TENM2: variants seen among roughly 807,000 people sequenced by gnomAD.
TENM2 encodes the protein teneurin transmembrane protein 2, also known as teneurin-2.
Under a neutral mutation model 245.2 loss-of-function variants are expected in TENM2, and 52 were observed. The ratio of observed to expected loss-of-function variants is 0.21; its 90% CI spans 0.17 to 0.27. The LOEUF is 0.27. TENM2 is among the 10% of genes least tolerant of loss of function. The pLI, the probability that TENM2 is intolerant of heterozygous loss-of-function variation, is 1.00. For synonymous variants in TENM2, 1,363 were observed against 1,438.9 expected (o/e 0.95, Z 1.19); for missense variants, 3,046 against 3,666.8 (o/e 0.83, Z 4.37).
the TENM2 span, among the ~76,000 whole-genome samples, chr5:167,209,175 G>A: frequency 3.9e-5 from 6 of 152,088 alleles, no homozygotes; most frequent in South Asian, 2.1e-4. Context: ...ACTTCATATC[G>A]CTACTGTGAG....
At chr5:167,322,938 A>G (rs1434675357) in intron 1 of TENM2, among the ~76,000 whole-genome samples, 1 of 152,226 alleles carries the variant, frequency 6.6e-6, no homozygotes, top group Non-Finnish European at 1.5e-5. Flanking sequence ...TCCTTTAGCA[A>G]TTATAATTCA....
At chr5:167,370,377 G>GGA (rs1760341376) in intron 1 of TENM2, among the ~76,000 whole-genome samples, 1 of 148,770 alleles carries the variant, frequency 6.7e-6, no homozygotes, top group South Asian at 2.1e-4. Context: ...AAAAAGACGT[G>GGA]GAGAGGATCT....
In TENM2 at chr5:168,249,316, C is replaced by T. The variant is rs926840213; in HGVS notation, c.7432+945C>T. On this transcript the variant is annotated intron_variant, in intron 27 of 28. Transcript: ENST00000518659. ...GTGAGAGACATATTCAAATAACCAACGATAATGCAAAGTAGAATTAAGTCT... is the reference window on the plus strand; with the variant it reads ...GTGAGAGACATATTCAAATAACCAATGATAATGCAAAGTAGAATTAAGTCT... 1.1e-4 allele frequency among the ~76,000 whole-genome samples: 16 copies of T among 152,090 alleles called. No homozygotes were observed. The East Asian group carries it at 1.2e-3, about 11-fold the overall frequency.
At chr5:167,118,133 A>G in the TENM2 span, among the ~76,000 whole-genome samples, 1 of 152,202 alleles carries the variant, frequency 6.6e-6, no homozygotes, top group East Asian at 1.9e-4. Context: ...ATAGTTATTC[A>G]TAGTATTCTT....
chr5:168,262,648 G>C (rs754622638), exon 29 of TENM2: 2 of 1,602,500 alleles, frequency 1.2e-6, no homozygotes, highest in Non-Finnish European at 8.5e-7. Context: ...GGAGAGAGGG[G>C]AGCCGCCTGT....
At position 168,155,463 on chromosome 5, in the gene TENM2, G is replaced by GGCCCCCATGTA. The variant is rs1415111054; in HGVS notation, c.2423-7146_2423-7136dup. Among the ~76,000 whole-genome samples the GGCCCCCATGTA allele has an allele frequency of 9.2e-5, 14 of 152,072 alleles. No individual in the cohort carries two copies. The East Asian group carries it at 2.7e-3, about 29-fold the overall frequency. On this transcript the variant is annotated intron_variant, in intron 12 of 28. Coordinates refer to ENST00000518659, the Ensembl canonical transcript of TENM2. Reference sequence around the variant, plus strand: ...AAGCACAATTCTTCCCAAGAGAAAGGGCCCCCATGTAGTCTACCTTCGTGT... The same window carrying GGCCCCCATGTA: ...AAGCACAATTCTTCCCAAGAGAAAGGGCCCCCATGTAGCCCCCATGTAGTCTACCTTCGTGT...
chr5:167,694,007 A>C (rs1757601405), intron 2 of TENM2, among the ~76,000 whole-genome samples: 1 of 152,226 alleles, frequency 6.6e-6, no homozygotes, highest in African/African-American at 2.4e-5. Flanking sequence ...GATTGAATGC[A>C]CTTTTCACAA....
At chr5:167,352,536 A>G (rs1362163663) in intron 1 of TENM2, among the ~76,000 whole-genome samples, 7 of 152,192 alleles carry the variant, frequency 4.6e-5, no homozygotes, top group Non-Finnish European at 7.3e-5. Flanking sequence ...TAAATTTACA[A>G]TAATTGTTCT....
chr5:167,620,719 A>G (rs146732067), intron 2 of TENM2, among the ~76,000 whole-genome samples: 110 of 152,144 alleles, frequency 7.2e-4, no homozygotes, highest in African/African-American at 2.4e-3. Flanking sequence ...AATGCTCCAG[A>G]GAAGCAATCT....
At chr5:167,709,234 G>A (rs991663874) in intron 2 of TENM2, among the ~76,000 whole-genome samples, 15 of 152,166 alleles carry the variant, frequency 9.9e-5, no homozygotes, top group Admixed American at 4.6e-4. Flanking sequence ...AGTTCACTGC[G>A]TGGTCTTCTC....
intron 2 of TENM2, among the ~76,000 whole-genome samples, chr5:167,544,971 T>C (rs1772458320): frequency 6.6e-6 from 1 of 152,160 alleles, no homozygotes; most frequent in South Asian, 2.1e-4. Context: ...AAATACATAG[T>C]TCACTGTCCC....
At chr5:167,779,189 T>C (rs1431744004) in intron 2 of TENM2, among the ~76,000 whole-genome samples, 1 of 152,166 alleles carries the variant, frequency 6.6e-6, no homozygotes, top group Admixed American at 6.5e-5. Flanking sequence ...TGGAGGGTGT[T>C]TTGTGCTGCA....
At chr5:168,080,081 G>A (rs1443339614) in intron 7 of TENM2, among the ~76,000 whole-genome samples, 6 of 152,164 alleles carry the variant, frequency 3.9e-5, no homozygotes, top group Non-Finnish European at 5.9e-5. Context: ...TGGTTGGTAA[G>A]CTATTAATTA....
At chr5:167,052,715 A>G in the TENM2 span, among the ~76,000 whole-genome samples, 1 of 152,152 alleles carries the variant, frequency 6.6e-6, no homozygotes, top group South Asian at 2.1e-4. Context: ...ATGTTAATAT[A>G]ATATAGACGA....
At chr5:167,680,407 C>CAAATCAG (rs1756627939) in intron 2 of TENM2, among the ~76,000 whole-genome samples, 1 of 151,608 alleles carries the variant, frequency 6.6e-6, no homozygotes, top group South Asian at 2.1e-4. Context: ...TGGTGGTTCA[C>CAAATCAG]AAATCAGAAG....
chr5:167,975,831 TA>T (rs759931619), intron 4 of TENM2, among the ~76,000 whole-genome samples: 753 of 141,214 alleles, frequency 5.3e-3, no homozygotes, highest in Middle Eastern at 7.3e-3. Flanking sequence ...ATTTGAGGGT[TA>T]AAAAAAAAAA....
At chr5:167,932,603 C>G (rs751502196) in intron 3 of TENM2, among the ~76,000 whole-genome samples, 5 of 151,774 alleles carry the variant, frequency 3.3e-5, no homozygotes, top group South Asian at 2.1e-4. Flanking sequence ...TGAAGGAGAC[C>G]CTGTTGAATT....
intron 3 of TENM2, among the ~76,000 whole-genome samples, chr5:167,926,548 T>C (rs928300399): frequency 6.6e-6 from 1 of 152,072 alleles, no homozygotes; most frequent in East Asian, 1.9e-4. Context: ...GGGGAAACCC[T>C]GTCTCTACTA....
At chr5:167,406,028 AG>A (rs1762619765) in intron 2 of TENM2, among the ~76,000 whole-genome samples, 1 of 152,218 alleles carries the variant, frequency 6.6e-6, no homozygotes, top group Admixed American at 6.6e-5. Context: ...GAATATAAAC[AG>A]GGCCTCTTAG....
Sources: allele counts gnomAD v4.1 joint callset (sites outside exome capture counted in the v4.1 genomes callset), GRCh38; gene constraint gnomAD v4.1.1; transcripts MANE v1.5; gene names NCBI Gene and HGNC (gene_info 2026-07-23, HGNC 2026-07-21).